The following TMCC1 variants were observed in gnomAD, a reference collection of about 807,000 sequenced individuals.
TMCC1 encodes the protein transmembrane and coiled-coil domains protein 1.
A neutral mutation model predicts 52.4 loss-of-function variants in TMCC1; 15 were observed. The ratio of observed to expected loss-of-function variants is 0.29; its 90% CI spans 0.19 to 0.44. TMCC1 has a LOEUF of 0.44. TMCC1 is among the 20% of genes least tolerant of loss of function. The pLI is 1.00. For synonymous variants in TMCC1, 279 were observed against 301.9 expected (o/e 0.92, Z 0.79); for missense variants, 503 against 806.0 (o/e 0.62, Z 4.55).
intron 2 of TMCC1, among the ~76,000 whole-genome samples, chr3:129,877,827 A>G (rs2061291646): frequency 6.6e-6 from 1 of 151,806 alleles, no homozygotes. Context: ...ATGCGGTTTC[A>G]CCATGTTAGC....
chr3:129,709,335 T>C (rs1192432752), intron 4 of TMCC1, among the ~76,000 whole-genome samples: 1 of 151,572 alleles, frequency 6.6e-6, no homozygotes, highest in Non-Finnish European at 1.5e-5. Flanking sequence ...GGGCATGGCA[T>C]GGTGGGCTTG....
chr3:129,757,575 C>G (rs2053127779), intron 4 of TMCC1, among the ~76,000 whole-genome samples: 1 of 152,174 alleles, frequency 6.6e-6, no homozygotes, highest in African/African-American at 2.4e-5. Context: ...AATCCCAGCA[C>G]TTTGGGAGGC....
chr3:129,691,523 G>A (rs2047026155), intron 4 of TMCC1, among the ~76,000 whole-genome samples: 1 of 151,844 alleles, frequency 6.6e-6, no homozygotes, highest in African/African-American at 2.4e-5. Flanking sequence ...GCTCATGCCT[G>A]TAATCCCAAC....
At chr3:129,838,129 G>A (rs1228806860) in intron 2 of TMCC1, among the ~76,000 whole-genome samples, 1 of 152,190 alleles carries the variant, frequency 6.6e-6, no homozygotes, top group Non-Finnish European at 1.5e-5. Flanking sequence ...TCTGAAAACA[G>A]GCTGGGCATG....
chr3:129,761,032 A>G (rs1362374834), intron 4 of TMCC1, among the ~76,000 whole-genome samples: 1 of 151,840 alleles, frequency 6.6e-6, no homozygotes, highest in Non-Finnish European at 1.5e-5. Flanking sequence ...TGCCCTAAAA[A>G]TCCCCTGTGC....
intron 2 of TMCC1, among the ~76,000 whole-genome samples, chr3:129,838,772 A>C (rs909053072): frequency 3.3e-5 from 5 of 151,158 alleles, no homozygotes; most frequent in African/African-American, 4.9e-5. Flanking sequence ...AAAAAAAAAA[A>C]AAAAAAAGGA....
chr3:129,677,611 A>G (rs944809041), intron 4 of TMCC1, among the ~76,000 whole-genome samples: 23 of 152,316 alleles, frequency 1.5e-4, no homozygotes, highest in African/African-American at 5.5e-4. Flanking sequence ...TATTTCAAGC[A>G]ATTGTGATAA....
chr3:129,735,058 C>T (rs913594962), intron 4 of TMCC1, among the ~76,000 whole-genome samples: 2 of 151,976 alleles, frequency 1.3e-5, no homozygotes, highest in Non-Finnish European at 2.9e-5. Flanking sequence ...CCCGCCACCA[C>T]GCCCGGCTAA....
At chr3:129,752,567 G>A (rs1684420679) in intron 4 of TMCC1, among the ~76,000 whole-genome samples, 2 of 152,074 alleles carry the variant, frequency 1.3e-5, no homozygotes, top group Non-Finnish European at 2.9e-5. Flanking sequence ...TAGGGAGGCT[G>A]AGGCAGAAGA....
intron 4 of TMCC1, among the ~76,000 whole-genome samples, chr3:129,772,815 G>A (rs1319487604): frequency 6.6e-6 from 1 of 150,754 alleles, no homozygotes; most frequent in African/African-American, 2.4e-5. Flanking sequence ...CACAATAAGA[G>A]AGATATAAAT....
At chr3:129,760,821 A>T (rs1462141476) in intron 4 of TMCC1, among the ~76,000 whole-genome samples, 1 of 150,622 alleles carries the variant, frequency 6.6e-6, no homozygotes, top group Non-Finnish European at 1.5e-5. Flanking sequence ...CATGTTGCCC[A>T]GGCTGGTCTT....
At chr3:129,773,693 C>T (rs2054800629) in intron 4 of TMCC1, among the ~76,000 whole-genome samples, 1 of 152,076 alleles carries the variant, frequency 6.6e-6, no homozygotes, top group African/African-American at 2.4e-5. Flanking sequence ...GTCTGTAATC[C>T]CAGCAATTTG....
chr3:129,700,059 A>T (rs1180205626), intron 4 of TMCC1, among the ~76,000 whole-genome samples: 4 of 152,226 alleles, frequency 2.6e-5, no homozygotes, highest in Non-Finnish European at 4.4e-5. Context: ...GACAAAAACA[A>T]AACTGAACAC....
At chr3:129,738,691 C>T (rs1044632088) in intron 4 of TMCC1, among the ~76,000 whole-genome samples, 2 of 151,828 alleles carry the variant, frequency 1.3e-5, no homozygotes, top group Admixed American at 1.3e-4. Flanking sequence ...ATGGAGATAG[C>T]GTGGTTTCAT....
intron 3 of TMCC1, among the ~76,000 whole-genome samples, chr3:129,831,167 C>G (rs1468849092): frequency 2.6e-5 from 4 of 152,116 alleles, no homozygotes; most frequent in Non-Finnish European, 5.9e-5. Flanking sequence ...TTCCTGACCT[C>G]AAGTGATCCA....
chr3:129,666,909 A>AT (rs916268545), intron 5 of TMCC1, among the ~76,000 whole-genome samples: 32 of 149,364 alleles, frequency 2.1e-4, no homozygotes, highest in African/African-American at 5.6e-4. Flanking sequence ...TTATTTTTTA[A>AT]TTTTTTTTTT....
At chr3:129,655,559 T>C (rs566820451) in intron 5 of TMCC1, among the ~76,000 whole-genome samples, 1 of 152,214 alleles carries the variant, frequency 6.6e-6, no homozygotes, top group Non-Finnish European at 1.5e-5. Context: ...TGTTTGCGAT[T>C]CAGAGCCCTA....
At chr3:129,794,097 C>T (rs1332556005) in intron 4 of TMCC1, among the ~76,000 whole-genome samples, 1 of 152,218 alleles carries the variant, frequency 6.6e-6, no homozygotes, top group Non-Finnish European at 1.5e-5. Flanking sequence ...TGCCCAAATT[C>T]AGATGACAGC....
chr3:129,713,351 G>C (rs1372805138), intron 4 of TMCC1, among the ~76,000 whole-genome samples: 1 of 152,076 alleles, frequency 6.6e-6, no homozygotes, highest in Non-Finnish European at 1.5e-5. Flanking sequence ...TCTTGCACTA[G>C]AGAAAACAGA....
Sources: gnomAD v4.1 joint callset for allele counts (sites outside exome capture counted in the v4.1 genomes callset) on GRCh38, gnomAD v4.1.1 for gene constraint, MANE v1.5 for transcripts, NCBI Gene and HGNC (gene_info 2026-07-23, HGNC 2026-07-21) for gene names.